ZNF770: variants seen among roughly 807,000 people sequenced by gnomAD.
The protein encoded by ZNF770 is zinc finger protein 770.
ZNF770 carries 13 observed loss-of-function variants against 44.8 expected under a neutral mutation model. That is an observed-to-expected ratio of 0.29 (90% confidence interval 0.19 to 0.46). The LOEUF is 0.46. Among genes scored for constraint, ZNF770 ranks in the 20% least tolerant of loss-of-function variants. The pLI is 1.00. For missense variants in ZNF770, 681 were observed against 797.9 expected, an observed-to-expected ratio of 0.85 and a Z score of 1.77; for synonymous variants, 304 against 271.8, an observed-to-expected ratio of 1.12 and a Z score of -1.17.
In ZNF770 at chr15:34,982,579, C is replaced by T. The variant is rs768731739; in HGVS notation, c.856G>A (p.Val286Ile). ...GESEENNPLDVHSIYIVPFQC... is the reference protein window; with the variant it reads ...GESEENNPLDIHSIYIVPFQC... The stretch of plus-strand genomic sequence containing the variant: ...AAAGGGACAATATAAATTGAGTGGA[C>T]ATCAAGTGGATTATTCTCCTCAGAT... The change falls in exon 3 of 3, where the codon GTC becomes ATC. Residue 286 changes from valine to isoleucine, a missense_variant. Val to Ile is a conservative substitution (Grantham distance 29). This residue lies in a region of ZNF770 where 432 missense variants were observed against 434.1 expected (regional missense o/e 1.00). Transcript: ENST00000356321. 1 of 1,613,730 alleles carries T rather than the reference C, an allele frequency of 6.2e-7. No homozygotes were observed. The highest frequency in any genetic ancestry group is 1.3e-5 in the African/African-American group (1 of 74,922).
chr15:34,982,473 T>A lies in ZNF770; in HGVS notation c.962A>T (p.Lys321Ile), dbSNP rs765488279. The A allele has an allele frequency of 6.2e-7, 1 of 1,614,052 alleles. No individual in the cohort carries two copies. The highest frequency in any genetic ancestry group is 8.5e-7 in the Non-Finnish European group (1 of 1,179,970). Reference protein sequence around the residue: ...EHSCFAARSGKIPSRFKRSYN... With the variant: ...EHSCFAARSGIIPSRFKRSYN... ...GCTTCTTTTGAACCTGCTTGGAATT[T>A]TGCCACTTCTAGCAGCAAAACAGCT... is the stretch of plus-strand genomic sequence containing the variant. The change falls in exon 3 of 3, where the codon AAA (lysine) becomes ATA (isoleucine). Residue 321 changes from lysine (K) to isoleucine (I), a missense_variant. This residue lies in a region of ZNF770 where 432 missense variants were observed against 434.1 expected (regional missense o/e 1.00). Coordinates refer to ENST00000356321, the MANE Select transcript of ZNF770 (RefSeq NM_014106.4).
chr15:34,984,161 A>C (rs1297004523), intron 2 of ZNF770, among the ~76,000 whole-genome samples: 7 of 152,182 alleles, frequency 4.6e-5, no homozygotes, highest in Non-Finnish European at 8.8e-5. Flanking sequence ...GGTCTCCTGG[A>C]TTGTCTACCA....
rs545601734 is a variant in ZNF770 at position 34,982,241 on chromosome 15, A to G, written c.1194T>C (p.Ile398=). Reference sequence around the variant, plus strand: ...TCAATGTTTTCTTCTTTCTATTGCCAATTGTTTTATATGTTCCATGTTTGC... The same window carrying G: ...TCAATGTTTTCTTCTTTCTATTGCCGATTGTTTTATATGTTCCATGTTTGC... ...SLGKHGTYKT[I]GNRKKKTLTL... The change falls in exon 3 of 3, where the codon ATT becomes ATC. Residue 398 remains isoleucine (I), a synonymous_variant. Coordinates refer to ENST00000356321, the MANE Select transcript of ZNF770 (RefSeq NM_014106.4). 6.2e-7 allele frequency: 1 copy of G among 1,613,846 alleles called. No individual in the cohort carries two copies. Among genetic ancestry groups the G allele is most frequent in the African/African-American group, 1.3e-5 (1 of 75,022 alleles).
At chr15:34,986,965 A>G (rs1224544398) in intron 2 of ZNF770, among the ~76,000 whole-genome samples, 1 of 152,242 alleles carries the variant, frequency 6.6e-6, no homozygotes, top group Non-Finnish European at 1.5e-5. Context: ...ATGGTGTGGG[A>G]GGACAGCTTG....
At position 34,983,100 on chromosome 15, in the gene ZNF770, T is replaced by C. The variant is rs570437406; in HGVS notation, c.335A>G (p.Lys112Arg). ...GGCCTCCAGCAATCTTCTGACCTGT[T>C]TAACATTATTCTGATAGGTTTCATT... ...LHNETYQNNV[K>R]QVRRLLEAKQ... Residue 112 changes from lysine (K) to arginine (R), a missense_variant, in exon 3 of 3, where the codon AAA (lysine) becomes AGA (arginine). Physicochemically the swap from Lys to Arg is conservative, Grantham distance 26. This residue lies in a region of ZNF770 where 432 missense variants were observed against 434.1 expected (regional missense o/e 1.00). Transcript: ENST00000356321. The C allele has an allele frequency of 6.2e-7, 1 of 1,614,108 alleles. No individual in the cohort carries two copies. Among genetic ancestry groups the C allele is most frequent in the South Asian group, 1.1e-5 (1 of 91,084 alleles).
At chr15:34,987,126 A>G (rs1449653627) in intron 2 of ZNF770, among the ~76,000 whole-genome samples, 1 of 152,276 alleles carries the variant, frequency 6.6e-6, no homozygotes, top group Non-Finnish European at 1.5e-5. Context: ...CCTAAAAGAA[A>G]AAAATCACAC....
intron 2 of ZNF770, among the ~76,000 whole-genome samples, chr15:34,984,792 G>A (rs940428514): frequency 2.0e-5 from 3 of 152,022 alleles, no homozygotes; most frequent in Admixed American, 1.3e-4. Flanking sequence ...TTGCCCATCA[G>A]GCAATATAGT....
At chr15:34,986,619 C>T (rs998817144) in intron 2 of ZNF770, among the ~76,000 whole-genome samples, 1 of 152,136 alleles carries the variant, frequency 6.6e-6, no homozygotes, top group Non-Finnish European at 1.5e-5. Flanking sequence ...GCACTGGCTC[C>T]CCAGTGGTCT....
rs2050398664 is a variant in ZNF770, at chr15:34,981,089, A to G, written c.*270T>C. ...ATTTGTACAGCCATCATGGATTTAT[A>G]TTTTTCAATACAGCCAAAGTATATG... On this transcript the variant is annotated 3_prime_UTR_variant, in exon 3 of 3. Coordinates refer to ENST00000356321, the MANE Select transcript of ZNF770 (RefSeq NM_014106.4). The G allele has an allele frequency of 5.4e-6, 2 of 370,108 alleles. No homozygotes were observed. The highest frequency in any genetic ancestry group is 9.7e-6 in the Non-Finnish European group (2 of 205,984). The allele number at this position is 370,108 out of a possible 1,614,324, so 22.9% of individuals were successfully genotyped here. A position where few individuals can be genotyped will look rare whatever the true frequency, so the allele number is the denominator to read the frequency against.
intron 2 of ZNF770, among the ~76,000 whole-genome samples, chr15:34,983,709 A>G (rs2140521972): frequency 6.6e-6 from 1 of 152,276 alleles, no homozygotes; most frequent in African/African-American, 2.4e-5. Flanking sequence ...AAATCAATAC[A>G]ATTTTAAGCT....
At position 34,982,988 on chromosome 15, in the gene ZNF770, G is replaced by T; in HGVS notation, c.447C>A (p.Pro149=). 6.2e-7 allele frequency: 1 copy of T among 1,613,932 alleles called. No individual in the cohort carries two copies. The highest frequency in any genetic ancestry group is 8.5e-7 in the Non-Finnish European group (1 of 1,179,968). The change falls in exon 3 of 3, where the codon CCC becomes CCA. Residue 149 remains proline (P), a synonymous_variant. Coordinates refer to ENST00000356321, the MANE Select transcript of ZNF770 (RefSeq NM_014106.4). ...TCTTTCTTCTTTTCATGCTATACAT[G>T]GGATCAGACTTAGAGCACGGGTGTA... The part of the protein sequence containing the change: ...WALHPCSKSD[P]MYSMKRRKNI...
chr15:34,987,681 A>G lies in ZNF770; in HGVS notation c.-173-8T>C, dbSNP rs2050444143. 6.6e-6 allele frequency: 1 copy of G among 152,230 alleles called. No individual in the cohort carries two copies. 9.4% of individuals were successfully genotyped at this position (152,230 alleles called of 1,614,324 possible). A position where few individuals can be genotyped will look rare whatever the true frequency, so the allele number is the denominator to read the frequency against. ...GAACAAGAAATGAAAGACCTAAGAGAAACACACACAACTTTCAGTTGGGGA... is the reference window on the plus strand; with the variant it reads ...GAACAAGAAATGAAAGACCTAAGAGGAACACACACAACTTTCAGTTGGGGA... On this transcript the variant is annotated splice_region_variant and splice_polypyrimidine_tract_variant and intron_variant, in intron 1 of 2. Transcript: ENST00000356321.
At chr15:34,986,640 A>G (rs1193852252) in intron 2 of ZNF770, among the ~76,000 whole-genome samples, 2 of 152,342 alleles carry the variant, frequency 1.3e-5, no homozygotes, top group Admixed American at 6.5e-5. Flanking sequence ...ACTAAATACA[A>G]GGACACTGGG....
rs1340161356 is a variant in ZNF770, at chr15:34,982,917, G to A, written c.518C>T (p.Ser173Leu). The A allele has an allele frequency of 6.2e-7, 1 of 1,613,844 alleles. No individual in the cohort carries two copies. Among genetic ancestry groups the A allele is most frequent in the East Asian group, 2.2e-5 (1 of 44,884 alleles). The stretch of plus-strand genomic sequence containing the variant: ...AATAAGTACATGCCTATCAAGTTTT[G>A]ACTGTGATGGAAACATCTTGCCACA... ...TICGKMFPSQ[S>L]KLDRHVLIHT... The change falls in exon 3 of 3, where the codon TCA becomes TTA. Residue 173 changes from serine to leucine, a missense_variant. Physicochemically the swap from Ser to Leu is moderately radical, Grantham distance 145. Coordinates refer to ENST00000356321, the MANE Select transcript of ZNF770 (RefSeq NM_014106.4).
chr15:34,985,949 A>G (rs186548314), intron 2 of ZNF770, among the ~76,000 whole-genome samples: 83 of 152,220 alleles, frequency 5.5e-4, no homozygotes, highest in African/African-American at 1.8e-3. Flanking sequence ...AATAGTAGAA[A>G]GTATCAGACT....
At position 34,982,293 on chromosome 15, in the gene ZNF770, G is replaced by A; in HGVS notation, c.1142C>T (p.Thr381Ile). 15 of 1,613,744 alleles carry A rather than the reference G, an allele frequency of 9.3e-6. No individual in the cohort carries two copies. Among genetic ancestry groups the A allele is most frequent in the African/African-American group, 1.3e-5 (1 of 75,004 alleles). The change falls in exon 3 of 3, where the codon ACC becomes ATC. Residue 381 changes from threonine (T) to isoleucine (I), a missense_variant. Thr to Ile is a moderately conservative substitution (Grantham distance 89). Coordinates refer to ENST00000356321, the MANE Select transcript of ZNF770 (RefSeq NM_014106.4). ...LISGEQSSEQTQRTFVGSLGK... is the reference protein window; with the variant it reads ...LISGEQSSEQIQRTFVGSLGK... Reference sequence around the variant, plus strand: ...AAGAGAACCCACAAATGTTCTCTGGGTTTGTTCAGAGCTCTGCTCACCAGA... The same window carrying A: ...AAGAGAACCCACAAATGTTCTCTGGATTTGTTCAGAGCTCTGCTCACCAGA...
chr15:34,981,857 A>G lies in ZNF770; in HGVS notation c.1578T>C (p.Asn526=). The G allele has an allele frequency of 1.2e-6, 2 of 1,613,934 alleles. No homozygotes were observed. Among genetic ancestry groups the G allele is most frequent in the Non-Finnish European group, 1.7e-6 (2 of 1,180,006 alleles). The change falls in exon 3 of 3, where the codon AAT becomes AAC. Residue 526 remains asparagine (N), a synonymous_variant. Transcript: ENST00000356321. ...AAAGAGATGCATAAGGACTCTTTTC[A>G]TTATGAGTCTGTTCATGTCTTTTTA... is the stretch of plus-strand genomic sequence containing the variant. ...AHLKRHEQTH[N]EKSPYASLCQ... is the part of the protein sequence containing the mutation.
At chr15:34,984,945 C>T (rs1179285017) in intron 2 of ZNF770, among the ~76,000 whole-genome samples, 1 of 152,046 alleles carries the variant, frequency 6.6e-6, no homozygotes, top group Non-Finnish European at 1.5e-5. Context: ...CCTGCCTGAA[C>T]AACGTGGCAA....
Position 34,981,706 on chromosome 15 carries a change from T to C in ZNF770, c.1729A>G (p.Met577Val), listed in dbSNP as rs1442188898. The C allele has an allele frequency of 6.2e-7, 1 of 1,614,120 alleles. No homozygotes were observed. Among genetic ancestry groups the C allele is most frequent in the South Asian group, 1.1e-5 (1 of 91,082 alleles). The change falls in exon 3 of 3, where the codon ATG (methionine) becomes GTG (valine). Residue 577 changes from methionine to valine, a missense_variant. Physicochemically the swap from Met to Val is conservative, Grantham distance 21. This residue lies in a region of ZNF770 where 148 missense variants were observed against 191.0 expected (regional missense o/e 0.77). Transcript: ENST00000356321. ...TGTGACTCTGCCTTAACTCCTGACA[T>C]TTGATCTGACTCTGAGACCTCGTAT... is the stretch of plus-strand genomic sequence containing the variant. Reference protein sequence around the residue: ...QKYEVSESDQMSGVKAESQDF... With the variant: ...QKYEVSESDQVSGVKAESQDF...
Sources: gnomAD v4.1 joint callset for allele counts (sites outside exome capture counted in the v4.1 genomes callset) on GRCh38, gnomAD v4.1.1 for gene constraint, gnomAD v4.1.1 regional missense constraint, MANE v1.5 for transcripts, NCBI Gene and HGNC (gene_info 2026-07-23, HGNC 2026-07-21) for gene names.